The following ZMAT4 variants were observed in gnomAD, a reference collection of about 807,000 sequenced individuals.
ZMAT4 encodes zinc finger matrin-type 4.
ZMAT4 carries 17 observed loss-of-function variants against 28.7 expected under a neutral mutation model. The ratio of observed to expected loss-of-function variants is 0.59; its 90% confidence interval spans 0.41 to 0.89. The LOEUF (loss-of-function observed/expected upper bound fraction) is 0.89. Ranked by LOEUF, ZMAT4 falls within the 40% of genes least tolerant of loss-of-function variation. The pLI is 0.00. For synonymous variants in ZMAT4, 117 were observed against 109.2 expected (o/e 1.07, Z -0.44); for missense variants, 240 against 283.8 (o/e 0.85, Z 1.11).
At chr8:40,638,035 C>A (rs915177102) in intron 5 of ZMAT4, among the ~76,000 whole-genome samples, 1 of 152,054 alleles carries the variant, frequency 6.6e-6, no homozygotes, top group African/African-American at 2.4e-5. Context: ...AGAGTAGAAT[C>A]GTGGTTATCA....
intron 1 of ZMAT4, among the ~76,000 whole-genome samples, chr8:40,847,032 TCCCATCTCTA>T (rs920257851): frequency 4.0e-5 from 6 of 151,784 alleles, no homozygotes; most frequent in African/African-American, 1.5e-4. Flanking sequence ...CATGGTGAAA[TCCCATCTCTA>T]CTATAAATAG....
chr8:40,580,035 C>T (rs533193048), intron 6 of ZMAT4, among the ~76,000 whole-genome samples: 255 of 113,484 alleles, frequency 2.2e-3, no homozygotes, highest in African/African-American at 7.5e-3. Context: ...TTTTTTGAGA[C>T]GAAGTCCTGC....
intron 2 of ZMAT4, among the ~76,000 whole-genome samples, chr8:40,812,978 ATT>A (rs1262607363): frequency 2.7e-5 from 4 of 148,032 alleles, no homozygotes; most frequent in African/African-American, 9.8e-5. Context: ...ATTAAATTAA[ATT>A]AAATTAAAAA....
intron 2 of ZMAT4, among the ~76,000 whole-genome samples, chr8:40,809,815 G>A (rs778275932): frequency 6.6e-6 from 1 of 152,070 alleles, no homozygotes; most frequent in Non-Finnish European, 1.5e-5. Flanking sequence ...AGGCTGAGGT[G>A]GGCAGATCAT....
chr8:40,630,950 C>T (rs1332702477), intron 5 of ZMAT4, among the ~76,000 whole-genome samples: 1 of 149,828 alleles, frequency 6.7e-6, no homozygotes, highest in Non-Finnish European at 1.5e-5. Flanking sequence ...AACATGTAAT[C>T]AATATGAAAA....
intron 3 of ZMAT4, among the ~76,000 whole-genome samples, chr8:40,731,986 T>A (rs1380884474): frequency 6.6e-6 from 1 of 152,300 alleles, no homozygotes; most frequent in East Asian, 1.9e-4. Flanking sequence ...AGGCAAATAC[T>A]GTGCGATTCC....
chr8:40,815,344 A>G (rs937742054), intron 2 of ZMAT4, among the ~76,000 whole-genome samples: 1 of 152,202 alleles, frequency 6.6e-6, no homozygotes, highest in African/African-American at 2.4e-5. Flanking sequence ...AGCACAAGAA[A>G]TGTGTACACA....
At chr8:40,801,351 A>AAATATATATATATATATAT (rs370796453) in intron 2 of ZMAT4, among the ~76,000 whole-genome samples, 2 of 97,258 alleles carry the variant, frequency 2.1e-5, no homozygotes, top group African/African-American at 7.4e-5. Flanking sequence ...TAAAAAAAAA[A>AAATATATATATATATATAT]ATATATATAT....
chr8:40,719,147 G>T (rs1426809008), intron 3 of ZMAT4, among the ~76,000 whole-genome samples: 2 of 152,078 alleles, frequency 1.3e-5, no homozygotes, highest in African/African-American at 4.8e-5. Flanking sequence ...CATATGAGTT[G>T]TTAAGACTTT....
rs373104697 is a variant in ZMAT4 at position 40,894,712 on chromosome 8, C to T, written c.-5+2971G>A. Among the ~76,000 whole-genome samples, 86 of 151,940 alleles carry T rather than the reference C, an allele frequency of 5.7e-4. 2 individuals carry two copies. In the East Asian group the frequency reaches 6.6e-3, roughly 12 times the overall value. On this transcript the variant is annotated intron_variant, in intron 1 of 6. Coordinates refer to ENST00000297737, the MANE Select transcript of ZMAT4 (RefSeq NM_024645.3). ...ACCTCTTCAACTTTCTGAGGTGTTC[C>T]AGAGTGTTTCAAATCTCCAGACACA... is the stretch of plus-strand genomic sequence containing the variant.
intron 5 of ZMAT4, among the ~76,000 whole-genome samples, chr8:40,652,968 G>A (rs1313752563): frequency 6.6e-6 from 1 of 151,008 alleles, no homozygotes; most frequent in Non-Finnish European, 1.5e-5. Flanking sequence ...AGCATTGGGA[G>A]ATATACCTAA....
chr8:40,869,986 T>C (rs1032583548), intron 1 of ZMAT4, among the ~76,000 whole-genome samples: 8 of 152,174 alleles, frequency 5.3e-5, no homozygotes, highest in Admixed American at 2.6e-4. Context: ...CAAAATATGA[T>C]AGCAGGAGAC....
At chr8:40,843,632 A>T (rs1342793518) in intron 1 of ZMAT4, among the ~76,000 whole-genome samples, 1 of 152,206 alleles carries the variant, frequency 6.6e-6, no homozygotes, top group Non-Finnish European at 1.5e-5. Flanking sequence ...TCCAGCCTTC[A>T]ATACTCACAG....
intron 5 of ZMAT4, among the ~76,000 whole-genome samples, chr8:40,605,258 G>A (rs1395176058): frequency 6.6e-6 from 1 of 152,062 alleles, no homozygotes; most frequent in African/African-American, 2.4e-5. Flanking sequence ...CTAGTTCCTT[G>A]AGGTGTGACC....
chr8:40,728,483 C>T (rs1811397301), intron 3 of ZMAT4, among the ~76,000 whole-genome samples: 1 of 152,170 alleles, frequency 6.6e-6, no homozygotes, highest in Admixed American at 6.6e-5. Flanking sequence ...ACATGTGATG[C>T]TTTGTTGTGG....
At chr8:40,544,933 A>G (rs1262835885) in intron 6 of ZMAT4, among the ~76,000 whole-genome samples, 1 of 152,168 alleles carries the variant, frequency 6.6e-6, no homozygotes, top group Non-Finnish European at 1.5e-5. Flanking sequence ...TCTGATGACC[A>G]GTTTCTAACA....
At chr8:40,656,463 T>G (rs1345092329) in intron 5 of ZMAT4, among the ~76,000 whole-genome samples, 1 of 152,158 alleles carries the variant, frequency 6.6e-6, no homozygotes, top group Non-Finnish European at 1.5e-5. Context: ...AGAGAACTGA[T>G]AGCATATATC....
chr8:40,866,332 C>A (rs544534840), intron 1 of ZMAT4, among the ~76,000 whole-genome samples: 2 of 152,266 alleles, frequency 1.3e-5, no homozygotes, highest in East Asian at 3.9e-4. Flanking sequence ...TGGGACGCCC[C>A]AAATGCCACA....
In ZMAT4 at chr8:40,589,976, CCTTCCTTCCTT is replaced by C. The variant is rs1563354199; in HGVS notation, c.578-8726_578-8716del. Among the ~76,000 whole-genome samples the C allele has an allele frequency of 5.4e-3, 471 of 87,060 alleles. 16 individuals carry two copies. Among genetic ancestry groups the C allele is most frequent in the Non-Finnish European group, 7.8e-3 (335 of 42,842 alleles). The allele number at this position is 87,060 out of a possible 152,430, so 57.1% of individuals were successfully genotyped here. On this transcript the variant is annotated intron_variant, in intron 5 of 6. Transcript: ENST00000297737. The stretch of plus-strand genomic sequence containing the variant: ...TCTTCCCTCCTTCCCTCCCTCCCTT[CCTTCCTTCCTT>C]CCTTCCTTCCTTCCTTCCTTCCTTC...
Sources: allele counts gnomAD v4.1 joint callset (sites outside exome capture counted in the v4.1 genomes callset), GRCh38; gene constraint gnomAD v4.1.1; transcripts MANE v1.5; gene names NCBI Gene and HGNC (gene_info 2026-07-23, HGNC 2026-07-21).